Variants in ANKHD1 observed in about 807,000 individuals in gnomAD.
The protein encoded by ANKHD1 is ankyrin repeat and KH domain-containing protein 1.
Under a neutral mutation model 230.5 loss-of-function variants are expected in ANKHD1, and 31 were observed. That is an observed-to-expected ratio of 0.13 (90% confidence interval 0.10 to 0.18). The LOEUF is 0.18. Among genes scored for constraint, ANKHD1 ranks in the 10% least tolerant of loss-of-function variants. ANKHD1 has a pLI of 1.00. For synonymous variants in ANKHD1, 1,074 were observed against 1,117.6 expected (o/e 0.96, Z 0.78); for missense variants, 2,256 against 3,071.3 (o/e 0.73, Z 6.27).
intron 25 of ANKHD1, among the ~76,000 whole-genome samples, 197 bp from the exon 26 acceptor site, chr5:140,525,799 G>A (rs1753577105): frequency 6.7e-6 from 1 of 149,386 alleles, no homozygotes; most frequent in Non-Finnish European, 1.5e-5. Context: ...TCGCACCACT[G>A]CATTCCAGCC....
At chr5:140,466,969 T>C (rs1411680459) in intron 10 of ANKHD1, among the ~76,000 whole-genome samples, 2 of 151,958 alleles carry the variant, frequency 1.3e-5, no homozygotes, top group African/African-American at 4.8e-5. Context: ...TAAATACATA[T>C]CTTAATTATT....
In ANKHD1 at chr5:140,445,864, G is replaced by A. The variant is rs1313238653; in HGVS notation, c.1036G>A (p.Ala346Thr). The change falls in exon 6 of 34, where the codon GCC becomes ACC. Residue 346 changes from alanine (A) to threonine (T), a missense_variant. Physicochemically the swap from Ala to Thr is moderately conservative, Grantham distance 58 (BLOSUM62 0). This residue lies in a region of ANKHD1 where 206 missense variants were observed against 304.5 expected (regional missense o/e 0.68). Coordinates refer to ENST00000360839, the MANE Select transcript of ANKHD1 (RefSeq NM_017747.3). ...ENGHTPLMEA[A>T]SAGHVEVARV... ...TGGACATACTCCCTTAATGGAAGCA[G>A]CCAGTGCAGGTCATGTGGAAGTTGC... is the stretch of plus-strand genomic sequence containing the variant. The A allele has an allele frequency of 6.2e-7, 1 of 1,613,822 alleles. No homozygotes were observed. The highest frequency in any genetic ancestry group is 1.1e-5 in the South Asian group (1 of 91,054).
At chr5:140,403,058 C>T (rs774180457) in intron 1 of ANKHD1, among the ~76,000 whole-genome samples, 15 of 150,896 alleles carry the variant, frequency 9.9e-5, no homozygotes, top group Non-Finnish European at 1.9e-4. Context: ...CAACCTCCGC[C>T]TCCCGGGTTC....
rs1285940385 is a variant in ANKHD1 at position 140,491,155 on chromosome 5, TA to T, written c.2245+4096del. 1.2e-3 allele frequency among the ~76,000 whole-genome samples: 120 copies of T among 101,410 alleles called. 2 individuals carry two copies. The highest frequency in any genetic ancestry group is 4.6e-3 in the African/African-American group (118 of 25,714). The allele number at this position is 101,410 out of a possible 152,430, so 66.5% of individuals were successfully genotyped here. A position where few individuals can be genotyped will look rare whatever the true frequency, so the allele number is the denominator to read the frequency against. On this transcript the variant is annotated intron_variant, in intron 14 of 33. Transcript: ENST00000360839. ...ATATATACACATATATATATATATA[TA>T]TATATTTTTTTTTTTTTTTTTTTTT...
chr5:140,486,275 G>A (rs1300016425), intron 13 of ANKHD1, among the ~76,000 whole-genome samples: 1 of 152,092 alleles, frequency 6.6e-6, no homozygotes, highest in African/African-American at 2.4e-5. Flanking sequence ...ATGTTGCCCA[G>A]GGTGGTCTCA....
chr5:140,458,471 A>T (rs572312287), intron 7 of ANKHD1, among the ~76,000 whole-genome samples, 154 bp from the exon 8 acceptor site: 1 of 152,312 alleles, frequency 6.6e-6, no homozygotes, highest in East Asian at 1.9e-4. Context: ...TAAGGCTCAG[A>T]TGAGCATGAT....
chr5:140,436,291 T>C, intron 2 of ANKHD1, 34 bp downstream of exon 2: 1 of 1,478,094 alleles, frequency 6.8e-7, no homozygotes, highest in Non-Finnish European at 9.0e-7. Context: ...TTTTCATATC[T>C]TTAAAAGTCT....
chr5:140,475,646 G>A (rs777225591), intron 10 of ANKHD1, among the ~76,000 whole-genome samples: 38 of 152,148 alleles, frequency 2.5e-4, no homozygotes, highest in Admixed American at 1.4e-3. Flanking sequence ...CTAAAAACTT[G>A]GAGGACAACC....
chr5:140,410,639 C>T (rs1309381522), intron 1 of ANKHD1, among the ~76,000 whole-genome samples: 2 of 151,930 alleles, frequency 1.3e-5, no homozygotes. Flanking sequence ...GGAACTGTTT[C>T]AATGTATCTG....
chr5:140,538,164 C>T lies in ANKHD1; in HGVS notation c.7307C>T (p.Ser2436Phe), dbSNP rs774909171. The change falls in exon 32 of 34, where the codon TCC becomes TTC. Residue 2436 changes from serine to phenylalanine, a missense_variant. Ser to Phe is a radical substitution (Grantham distance 155, BLOSUM62 -2). Around this residue, in one of 13 missense-constraint regions of ANKHD1, gnomAD observed 778 missense variants for 966.5 expected, o/e 0.80. Transcript: ENST00000360839. ...HQQLSDPSTF[S>F]QHQPMERDDS... The stretch of plus-strand genomic sequence containing the variant: ...CAATTATCAGACCCAAGCACATTCT[C>T]CCAACATCAGCCAATGGAGAGAGAT... 6.2e-7 allele frequency: 1 copy of T among 1,614,168 alleles called. No individual in the cohort carries two copies. The highest frequency in any genetic ancestry group is 1.1e-5 in the South Asian group (1 of 91,086).
intron 29 of ANKHD1, among the ~76,000 whole-genome samples, chr5:140,533,970 A>G (rs908456977): frequency 1.3e-5 from 2 of 152,200 alleles, no homozygotes; most frequent in Non-Finnish European, 2.9e-5. Flanking sequence ...AGGAAAGCAC[A>G]GTAATAAATT....
chr5:140,496,482 T>TTTTC, intron 14 of ANKHD1, 38 bp from the exon 15 acceptor site: 1 of 1,036,354 alleles, frequency 9.6e-7, no homozygotes, highest in Non-Finnish European at 1.3e-6. Flanking sequence ...TTTTTTTTTT[T>TTTTC]AGCATGGCAC....
chr5:140,475,390 T>G (rs144032920), intron 10 of ANKHD1, among the ~76,000 whole-genome samples: 1 of 152,116 alleles, frequency 6.6e-6, no homozygotes, highest in African/African-American at 2.4e-5. Flanking sequence ...ATTTCACATG[T>G]AGTACATCAG....
intron 2 of ANKHD1, among the ~76,000 whole-genome samples, chr5:140,436,582 T>C (rs1422019441): frequency 1.3e-5 from 2 of 151,918 alleles, no homozygotes; most frequent in Non-Finnish European, 2.9e-5. Context: ...CTGTCTCTAC[T>C]AAAATAGAAA....
chr5:140,453,088 C>T (rs1045602850), intron 7 of ANKHD1, among the ~76,000 whole-genome samples: 10 of 152,022 alleles, frequency 6.6e-5, no homozygotes, highest in Non-Finnish European at 1.0e-4. Context: ...CCTCAGTAGC[C>T]GATTCGATCA....
At chr5:140,489,752 G>T (rs1019638167) in intron 14 of ANKHD1, among the ~76,000 whole-genome samples, 1 of 151,906 alleles carries the variant, frequency 6.6e-6, no homozygotes, top group Non-Finnish European at 1.5e-5. Context: ...ACCTTTCTAA[G>T]GAATCATTTT....
intron 22 of ANKHD1, among the ~76,000 whole-genome samples, chr5:140,512,256 A>G (rs1752805631): frequency 6.6e-6 from 1 of 151,278 alleles, no homozygotes; most frequent in Non-Finnish European, 1.5e-5. Context: ...AAAAAAAAAG[A>G]TATGCTTAGA....
At chr5:140,415,835 C>T (rs953668519) in intron 1 of ANKHD1, among the ~76,000 whole-genome samples, 10 of 151,702 alleles carry the variant, frequency 6.6e-5, no homozygotes, top group Non-Finnish European at 1.5e-4. Context: ...ATGTGCACAA[C>T]CTGCAGGTTT....
chr5:140,426,419 T>C (rs1772412290), intron 1 of ANKHD1, among the ~76,000 whole-genome samples: 1 of 152,198 alleles, frequency 6.6e-6, no homozygotes, highest in Admixed American at 6.5e-5. Context: ...TGTGAGCCAC[T>C]GCGCCCAGCT....
Sources: allele counts gnomAD v4.1 joint callset (sites outside exome capture counted in the v4.1 genomes callset), GRCh38; gene constraint gnomAD v4.1.1; regional missense constraint gnomAD v4.1.1; transcripts MANE v1.5; gene names NCBI Gene and HGNC (gene_info 2026-07-23, HGNC 2026-07-21).